The following ABCB10 variants were observed in gnomAD, a reference collection of about 807,000 sequenced individuals.
ABCB10 encodes the protein ATP-binding cassette sub-family B member 10, mitochondrial.
In ABCB10, 54 loss-of-function variants were observed where a neutral mutation model predicts 65.4. The observed-to-expected ratio is 0.83, with a 90% CI of 0.66 to 1.04. The LOEUF is 1.04. Among genes scored for constraint, ABCB10 ranks in the 50% least tolerant of loss-of-function variants. The pLI, the probability that ABCB10 is intolerant of heterozygous loss-of-function variation, is 0.00. For missense variants in ABCB10, 846 were observed against 976.6 expected (o/e 0.87, Z 1.78); for synonymous variants, 418 against 406.5 (o/e 1.03, Z -0.34).
At chr1:229,554,382 C>G (rs895907699) in intron 1 of ABCB10, among the ~76,000 whole-genome samples, 1 of 152,088 alleles carries the variant, frequency 6.6e-6, no homozygotes, top group African/African-American at 2.4e-5. Context: ...TATTAGCATG[C>G]TCTAGAGTTA....
At chr1:229,551,207 T>G (rs540880070) in intron 1 of ABCB10, among the ~76,000 whole-genome samples, 16 of 152,196 alleles carry the variant, frequency 1.1e-4, no homozygotes, top group African/African-American at 3.9e-4. Context: ...TTTAGAAAAA[T>G]TGCTCTTGCC....
At chr1:229,521,806 A>C (rs566543422) in intron 10 of ABCB10, among the ~76,000 whole-genome samples, 171 bp from the exon 11 acceptor site, 4 of 152,346 alleles carry the variant, frequency 2.6e-5, no homozygotes, top group South Asian at 2.1e-4. Context: ...TATCAATCCC[A>C]AAATTAATAA....
At chr1:229,549,188 C>T (rs182603336) in intron 2 of ABCB10, 46 bp downstream of exon 2, 5 of 1,606,568 alleles carry the variant, frequency 3.1e-6, no homozygotes, top group African/African-American at 2.7e-5. Flanking sequence ...CAGGACTCTA[C>T]ATCTTCTTCA....
intron 6 of ABCB10, 123 bp downstream of exon 6, chr1:229,539,333 A>G: frequency 7.1e-7 from 1 of 1,412,084 alleles, no homozygotes; most frequent in Non-Finnish European, 9.9e-7. Context: ...TGGAATAATA[A>G]CATTCTAGGA....
chr1:229,535,130 T>C (rs1437512279), intron 6 of ABCB10: 1 of 150,948 alleles, frequency 6.6e-6, no homozygotes, highest in East Asian at 1.9e-4. Flanking sequence ...AGTTTTCAAT[T>C]GGCAATAATC....
At chr1:229,543,146 A>C (rs1245085545) in intron 3 of ABCB10, among the ~76,000 whole-genome samples, 2 of 151,902 alleles carry the variant, frequency 1.3e-5, no homozygotes. Context: ...AAAAAAAAAA[A>C]AAAACAGCAC....
intron 1 of ABCB10, among the ~76,000 whole-genome samples, chr1:229,554,326 G>A (rs906027131): frequency 2.6e-5 from 4 of 152,118 alleles, no homozygotes; most frequent in Non-Finnish European, 5.9e-5. Context: ...AGAAAGATCT[G>A]AGCCCCCATG....
intron 6 of ABCB10, 169 bp from the exon 7 acceptor site, chr1:229,531,900 G>T: frequency 2.5e-6 from 1 of 392,618 alleles, no homozygotes; most frequent in Non-Finnish European, 4.5e-6. Flanking sequence ...AGAATTGCTT[G>T]TCTCATACTC....
chr1:229,532,958 T>C (rs1662619324), intron 6 of ABCB10, among the ~76,000 whole-genome samples: 1 of 152,156 alleles, frequency 6.6e-6, no homozygotes, highest in Non-Finnish European at 1.5e-5. Flanking sequence ...ATGTTAAACA[T>C]TCCAGCAATC....
intron 1 of ABCB10, among the ~76,000 whole-genome samples, chr1:229,551,456 T>C (rs1209192846): frequency 1.3e-5 from 2 of 152,228 alleles, no homozygotes; most frequent in Non-Finnish European, 2.9e-5. Flanking sequence ...CATAGGAGAA[T>C]CTCAATCACT....
chr1:229,520,971 T>G (rs1662301495), intron 11 of ABCB10, among the ~76,000 whole-genome samples: 1 of 152,212 alleles, frequency 6.6e-6, no homozygotes, highest in South Asian at 2.1e-4. Flanking sequence ...AACTGGACTT[T>G]GTGTGCAACC....
intron 6 of ABCB10, among the ~76,000 whole-genome samples, chr1:229,533,015 T>C (rs1662621711): frequency 6.6e-6 from 1 of 152,186 alleles, no homozygotes; most frequent in Non-Finnish European, 1.5e-5. Context: ...CTATGTTCCC[T>C]AGACTGGTCT....
intron 1 of ABCB10, among the ~76,000 whole-genome samples, chr1:229,555,525 T>G (rs1663227858): frequency 6.6e-6 from 1 of 152,262 alleles, no homozygotes; most frequent in Admixed American, 6.5e-5. Context: ...TGGTAGACTG[T>G]GTTTTTAAAG....
chr1:229,536,824 C>T (rs138702577), intron 6 of ABCB10, among the ~76,000 whole-genome samples: 263 of 150,822 alleles, frequency 1.7e-3, no homozygotes, highest in African/African-American at 5.9e-3. Context: ...GGCATGGTGG[C>T]GCATGCCTGT....
chr1:229,525,894 T>C (rs760736830), intron 10 of ABCB10, 42 bp downstream of exon 10: 21 of 1,550,620 alleles, frequency 1.4e-5, no homozygotes, highest in Non-Finnish European at 1.7e-5. Flanking sequence ...GAAAAGTTCT[T>C]TGGATATAGA....
At chr1:229,519,291 A>T (rs1375485099) in intron 11 of ABCB10, among the ~76,000 whole-genome samples, 1 of 152,234 alleles carries the variant, frequency 6.6e-6, no homozygotes, top group Non-Finnish European at 1.5e-5. Context: ...CAAAGCTGTT[A>T]CAAAAAAACC....
At chr1:229,551,331 G>A (rs769154341) in intron 1 of ABCB10, among the ~76,000 whole-genome samples, 1 of 152,092 alleles carries the variant, frequency 6.6e-6, no homozygotes, top group South Asian at 2.1e-4. Context: ...TTGTGTTCTC[G>A]AAGCTCCTAC....
At position 229,555,376 on chromosome 1, in the gene ABCB10, TC is replaced by T. The variant is rs546667801; in HGVS notation, c.517+2759del. On this transcript the variant is annotated intron_variant, in intron 1 of 12. Transcript: ENST00000344517. Reference sequence around the variant, plus strand: ...GCCAAAGTGATACGATGGAGAATTATCAGTGAAAAGGGACCTTACATCTGTA... The same window carrying T: ...GCCAAAGTGATACGATGGAGAATTATAGTGAAAAGGGACCTTACATCTGTA... Among the ~76,000 whole-genome samples, 17 of 152,372 alleles carry T rather than the reference TC, an allele frequency of 1.1e-4. No individual in the cohort carries two copies. The South Asian group carries it at 3.5e-3, about 32-fold the overall frequency.
At chr1:229,545,890 A>C (rs1190279754) in intron 3 of ABCB10, among the ~76,000 whole-genome samples, 1 of 152,122 alleles carries the variant, frequency 6.6e-6, no homozygotes, top group Non-Finnish European at 1.5e-5. Context: ...TTTTGTGATG[A>C]GCCGGGCGCA....
Sources: gnomAD v4.1 joint callset for allele counts (sites outside exome capture counted in the v4.1 genomes callset) on GRCh38, gnomAD v4.1.1 for gene constraint, MANE v1.5 for transcripts, NCBI Gene and HGNC (gene_info 2026-07-23, HGNC 2026-07-21) for gene names.